TDRD9: variants seen among roughly 807,000 people sequenced by gnomAD.
TDRD9 encodes the protein ATP-dependent RNA helicase TDRD9.
Under a neutral mutation model 172.6 loss-of-function variants are expected in TDRD9, and 124 were observed. The ratio of observed to expected loss-of-function variants is 0.72; its 90% CI spans 0.62 to 0.83. TDRD9 has a LOEUF of 0.83. Ranked by LOEUF, TDRD9 falls within the 40% of genes least tolerant of loss-of-function variation. The pLI, the probability that TDRD9 is intolerant of heterozygous loss-of-function variation, is 0.00. For synonymous variants in TDRD9, 619 were observed against 617.1 expected, an observed-to-expected ratio of 1.00 and a Z score of -0.05; for missense variants, 1,479 against 1,714.1, an observed-to-expected ratio of 0.86 and a Z score of 2.42.
chr14:104,007,206 T>G lies in TDRD9; in HGVS notation c.2052+2T>G, dbSNP rs1248121779. ...ACAGGGGAGCTGCGGTACCCGAAGGTTGGTGAGCCCTTTCCTGCTGCTTTC... is the reference window on the plus strand; with the variant it reads ...ACAGGGGAGCTGCGGTACCCGAAGGGTGGTGAGCCCTTTCCTGCTGCTTTC... On this transcript the variant is annotated splice_donor_variant, in intron 19 of 35. Transcript: ENST00000409874. LOFTEE classifies it high-confidence loss of function. 1.2e-6 allele frequency: 2 copies of G among 1,613,724 alleles called. No individual in the cohort carries two copies. The highest frequency in any genetic ancestry group is 1.7e-6 in the Non-Finnish European group (2 of 1,179,768).
In TDRD9 at chr14:103,965,514, A is replaced by G. The variant is rs748723054; in HGVS notation, c.602A>G (p.Lys201Arg). Reference protein sequence around the residue: ...GASSIARWISKERAWTLGGVV... With the variant: ...GASSIARWISRERAWTLGGVV... Reference sequence around the variant, plus strand: ...AGCAGCATCGCCAGGTGGATCAGTAAAGAGCGTGCCTGGACCCTGGGAGGT... The same window carrying G: ...AGCAGCATCGCCAGGTGGATCAGTAGAGAGCGTGCCTGGACCCTGGGAGGT... Residue 201 changes from lysine to arginine, a missense_variant, in exon 4 of 36, where the codon AAA becomes AGA. Around this residue, in one of 3 missense-constraint regions of TDRD9, gnomAD observed 1,413 missense variants for 1,649.1 expected, o/e 0.86. Transcript: ENST00000409874. 1.3e-6 allele frequency: 2 copies of G among 1,546,746 alleles called. No homozygotes were observed. Among genetic ancestry groups the G allele is most frequent in the African/African-American group, 2.8e-5 (2 of 72,492 alleles).
Position 103,998,748 on chromosome 14 carries a change from G to A in TDRD9, c.1483+20G>A, listed in dbSNP as rs2034148066. Reference sequence around the variant, plus strand: ...GAAAAGGTAAGACATTTGTGTTAAAGCACAATAATGAGTCATTGGTGACAC... The same window carrying A: ...GAAAAGGTAAGACATTTGTGTTAAAACACAATAATGAGTCATTGGTGACAC... On this transcript the variant is annotated intron_variant, in intron 13 of 35. Coordinates refer to ENST00000409874, the MANE Select transcript of TDRD9 (RefSeq NM_153046.3). 7.9e-7 allele frequency: 1 copy of A among 1,265,626 alleles called. No homozygotes were observed. The highest frequency in any genetic ancestry group is 1.5e-5 in the African/African-American group (1 of 68,294). 78.4% of individuals were successfully genotyped at this position (1,265,626 alleles called of 1,614,324 possible).
intron 13 of TDRD9, among the ~76,000 whole-genome samples, chr14:104,000,312 G>A (rs1167670212): frequency 1.5e-5 from 2 of 131,654 alleles, no homozygotes; most frequent in Non-Finnish European, 3.0e-5. Flanking sequence ...CTAGGTGACA[G>A]AATGAGAGCC....
intron 34 of TDRD9, among the ~76,000 whole-genome samples, chr14:104,046,677 G>A (rs996081691): frequency 1.3e-5 from 2 of 150,578 alleles, no homozygotes; most frequent in African/African-American, 2.4e-5. Context: ...ACAGAGTCTT[G>A]CTCTGTTGCC....
intron 1 of TDRD9, among the ~76,000 whole-genome samples, chr14:103,934,936 C>T (rs368814992): frequency 6.6e-6 from 1 of 152,238 alleles, no homozygotes; most frequent in African/African-American, 2.4e-5. Context: ...TTAGATGAGA[C>T]TAACATTGCA....
Position 103,969,048 on chromosome 14 carries a change from G to A in TDRD9, c.766-1493G>A, listed in dbSNP as rs534450614. 2.7e-5 allele frequency among the ~76,000 whole-genome samples: 4 copies of A among 146,432 alleles called. No homozygotes were observed. The South Asian group carries it at 8.7e-4, about 32-fold the overall frequency. ...CCGGGAGGCGGAGCTTGCAGTGAGC[G>A]GAGATCGCGTCACTGCACTCCAGCC... On this transcript the variant is annotated intron_variant, in intron 5 of 35. Coordinates refer to ENST00000409874, the MANE Select transcript of TDRD9 (RefSeq NM_153046.3).
At chr14:104,042,693 A>G (rs1406959523) in intron 34 of TDRD9, among the ~76,000 whole-genome samples, 2 of 152,102 alleles carry the variant, frequency 1.3e-5, no homozygotes, top group Admixed American at 6.5e-5. Context: ...GGGCCCCGGG[A>G]AGGCCAAGAA....
intron 1 of TDRD9, among the ~76,000 whole-genome samples, chr14:103,953,369 G>A (rs1011324708): frequency 6.6e-5 from 10 of 152,176 alleles, no homozygotes; most frequent in Non-Finnish European, 1.2e-4. Context: ...ATGAGTAAAT[G>A]TCAGGCAAAC....
intron 26 of TDRD9, 116 bp from the exon 27 acceptor site, chr14:104,025,931 G>A (rs1256610037): frequency 2.1e-6 from 2 of 971,426 alleles, no homozygotes; most frequent in African/African-American, 3.3e-5. Context: ...TTTAAGCTCA[G>A]GTCACTCCAA....
Position 103,928,577 on chromosome 14 carries a change from T to C in TDRD9, c.68T>C (p.Val23Ala). 7 of 1,370,952 alleles carry C rather than the reference T, an allele frequency of 5.1e-6. No homozygotes were observed. Among genetic ancestry groups the C allele is most frequent in the Non-Finnish European group, 6.7e-6 (7 of 1,044,228 alleles). The allele number at this position is 1,370,952 out of a possible 1,614,324, so 84.9% of individuals were successfully genotyped here. ...WFTIGKTVTNVELLGAPPAFP... is the reference protein window; with the variant it reads ...WFTIGKTVTNAELLGAPPAFP... ...ACCATCGGCAAGACGGTGACCAATGTGGAGCTGCTGGGCGCGCCGCCCGCC... is the reference window on the plus strand; with the variant it reads ...ACCATCGGCAAGACGGTGACCAATGCGGAGCTGCTGGGCGCGCCGCCCGCC... Residue 23 changes from valine (V) to alanine (A), a missense_variant, in exon 1 of 36, where the codon GTG becomes GCG. Val to Ala is a moderately conservative substitution (Grantham distance 64). Transcript: ENST00000409874.
intron 1 of TDRD9, among the ~76,000 whole-genome samples, chr14:103,932,045 C>A (rs1306931029): frequency 1.3e-5 from 2 of 152,176 alleles, no homozygotes; most frequent in African/African-American, 4.8e-5. Context: ...TTTTGGCCAA[C>A]AACCTGAATG....
At chr14:103,963,677 T>A (rs1278395578) in intron 3 of TDRD9, among the ~76,000 whole-genome samples, 4 of 152,324 alleles carry the variant, frequency 2.6e-5, no homozygotes, top group African/African-American at 9.6e-5. Flanking sequence ...ACGATTAAGT[T>A]CCTAATTACT....
intron 13 of TDRD9, among the ~76,000 whole-genome samples, chr14:103,999,193 G>A (rs192639729): frequency 1.7e-3 from 258 of 152,238 alleles, no homozygotes; most frequent in African/African-American, 6.1e-3. Flanking sequence ...TTCTCATATT[G>A]TCAGAGTGTC....
At chr14:104,026,960 T>A in intron 28 of TDRD9, 21 bp downstream of exon 28, 1 of 1,609,382 alleles carries the variant, frequency 6.2e-7, no homozygotes, top group Non-Finnish European at 8.5e-7. Context: ...TCGCCGTTGC[T>A]GGAGCACGCG....
chr14:103,960,432 G>A (rs2032454106), intron 2 of TDRD9, among the ~76,000 whole-genome samples: 1 of 152,184 alleles, frequency 6.6e-6, no homozygotes, highest in South Asian at 2.1e-4. Context: ...AATCATGTAG[G>A]ATAAAGAGAC....
At position 104,016,085 on chromosome 14, in the gene TDRD9, C is replaced by T. The variant is rs770869663; in HGVS notation, c.2328C>T (p.Val776=). 9.3e-5 allele frequency: 149 copies of T among 1,596,448 alleles called. 1 individual carries two copies. The Middle Eastern group carries it at 3.9e-3, about 42-fold the overall frequency. The change falls in exon 22 of 36, where the codon GTC becomes GTT. Residue 776 remains valine, a synonymous_variant. Coordinates refer to ENST00000409874, the MANE Select transcript of TDRD9 (RefSeq NM_153046.3). ...CTGGCAAGGACCCCAAGACAACTGT[C>T]GTGGTAGGTGCTGGGGGCAGGCCGT... ...ELAGKDPKTT[V]VLKHIPPYGF... is the part of the protein sequence containing the mutation.
intron 32 of TDRD9, among the ~76,000 whole-genome samples, chr14:104,035,767 G>A (rs1053974323): frequency 1.3e-5 from 2 of 152,164 alleles, no homozygotes; most frequent in Admixed American, 6.5e-5. Flanking sequence ...TGGCCATGAC[G>A]AGATTGCAGT....
At position 104,006,476 on chromosome 14, in the gene TDRD9, C is replaced by T. The variant is rs1383591336; in HGVS notation, c.1801C>T (p.Leu601Phe). 6.2e-7 allele frequency: 1 copy of T among 1,613,738 alleles called. No individual in the cohort carries two copies. Reference protein sequence around the residue: ...LTFLGRVLAQLPVNQQLGKLI... With the variant: ...LTFLGRVLAQFPVNQQLGKLI... ...CTTCTTAGGAAGAGTTTTAGCCCAA[C>T]TTCCTGTAAATCAGCAACTTGGTAA... Residue 601 changes from leucine (L) to phenylalanine (F), a missense_variant, in exon 16 of 36, where the codon CTT becomes TTT. Leu to Phe is a conservative substitution (Grantham distance 22, BLOSUM62 0). Around this residue, in one of 3 missense-constraint regions of TDRD9, gnomAD observed 1,413 missense variants for 1,649.1 expected, o/e 0.86. Coordinates refer to ENST00000409874, the MANE Select transcript of TDRD9 (RefSeq NM_153046.3).
chr14:103,964,442 G>C (rs1452686460), intron 3 of TDRD9, among the ~76,000 whole-genome samples: 1 of 152,176 alleles, frequency 6.6e-6, no homozygotes, highest in Non-Finnish European at 1.5e-5. Context: ...TACAGAAGCA[G>C]TTGAGACCCA....
Sources: gnomAD v4.1 joint callset for allele counts (sites outside exome capture counted in the v4.1 genomes callset) on GRCh38, gnomAD v4.1.1 for gene constraint, gnomAD v4.1.1 regional missense constraint, MANE v1.5 for transcripts, NCBI Gene and HGNC (gene_info 2026-07-23, HGNC 2026-07-21) for gene names.